The following COL28A1 variants were observed in gnomAD, a reference collection of about 807,000 sequenced individuals.
The protein encoded by COL28A1 is collagen alpha-1(XXVIII) chain.
A neutral mutation model predicts 150.2 loss-of-function variants in COL28A1; 161 were observed. The observed-to-expected ratio is 1.07, with a 90% confidence interval of 0.94 to 1.22. COL28A1 has a LOEUF of 1.22. Ranked by LOEUF, COL28A1 falls within the 50% of genes most tolerant of loss-of-function variation. COL28A1 has a pLI of 0.00. For missense variants in COL28A1, 1,617 were observed against 1,388.3 expected, an observed-to-expected ratio of 1.16 and a Z score of -2.62; for synonymous variants, 552 against 469.7, an observed-to-expected ratio of 1.18 and a Z score of -2.26.
chr7:7,384,254 T>A (rs933702562), intron 27 of COL28A1, among the ~76,000 whole-genome samples: 3 of 152,172 alleles, frequency 2.0e-5, no homozygotes, highest in African/African-American at 7.2e-5. Flanking sequence ...GTATGCAGTG[T>A]TGCACTACAA....
At chr7:7,490,379 T>TG (rs1779849849) in intron 12 of COL28A1, among the ~76,000 whole-genome samples, 199 bp downstream of exon 12, 1 of 152,204 alleles carries the variant, frequency 6.6e-6, no homozygotes, top group African/African-American at 2.4e-5. Context: ...TCCAACAAAA[T>TG]TAAAAAATAC....
chr7:7,440,195 T>C (rs1785659962), intron 21 of COL28A1, among the ~76,000 whole-genome samples: 1 of 152,212 alleles, frequency 6.6e-6, no homozygotes, highest in African/African-American at 2.4e-5. Context: ...ATAGATCCCC[T>C]ACTTCCCATT....
intron 25 of COL28A1, among the ~76,000 whole-genome samples, chr7:7,420,780 C>T (rs1454461680): frequency 6.6e-6 from 1 of 152,162 alleles, no homozygotes; most frequent in East Asian, 1.9e-4. Context: ...ACAGAATAGG[C>T]ACTTGGTATA....
chr7:7,500,909 T>C (rs1295632664), intron 11 of COL28A1, among the ~76,000 whole-genome samples: 1 of 152,166 alleles, frequency 6.6e-6, no homozygotes, highest in African/African-American at 2.4e-5. Context: ...GAACTAAATA[T>C]ATCATGTACT....
downstream of COL28A1, among the ~76,000 whole-genome samples, chr7:7,353,295 C>A (rs549735746): frequency 6.6e-6 from 1 of 152,280 alleles, no homozygotes; most frequent in South Asian, 2.1e-4. Context: ...CCTCCACCTA[C>A]CCAGAGACAT....
In COL28A1 at chr7:7,408,400, C is replaced by G. The variant is rs188772717; in HGVS notation, c.2136+9459G>C. ...TTATAATTAAAACAAAAAGACTTAT[C>G]TGCAACTAGGTAAGGAAAGGTGCTG... is the stretch of plus-strand genomic sequence containing the variant. On this transcript the variant is annotated intron_variant, in intron 27 of 34. Transcript: ENST00000399429. Among the ~76,000 whole-genome samples, 14 of 152,248 alleles carry G rather than the reference C, an allele frequency of 9.2e-5. No individual in the cohort carries two copies. In the East Asian group the frequency reaches 2.7e-3, roughly 29 times the overall value.
At position 7,424,478 on chromosome 7, in the gene COL28A1, T is replaced by C. The variant is rs182145289; in HGVS notation, c.1999-4525A>G. ...ACCTGTGATATTTTCAGATACACAG[T>C]TTATTGTCAGTGGATACAGCAATAT... is the stretch of plus-strand genomic sequence containing the variant. On this transcript the variant is annotated intron_variant, in intron 25 of 34. Transcript: ENST00000399429. 2.5e-3 allele frequency among the ~76,000 whole-genome samples: 388 copies of C among 152,234 alleles called. 1 individual carries two copies. The highest frequency in any genetic ancestry group is 8.9e-3 in the African/African-American group (370 of 41,548).
At chr7:7,471,002 C>A (rs1583449271) in intron 15 of COL28A1, among the ~76,000 whole-genome samples, 1 of 141,508 alleles carries the variant, frequency 7.1e-6, no homozygotes, top group Non-Finnish European at 1.5e-5. Flanking sequence ...GGGAGATATA[C>A]CTAATGCTAG....
intron 16 of COL28A1, among the ~76,000 whole-genome samples, chr7:7,453,966 G>A (rs1447449582): frequency 2.6e-5 from 4 of 152,112 alleles, no homozygotes; most frequent in Non-Finnish European, 5.9e-5. Flanking sequence ...GATTAATAGA[G>A]GCAGTAGTCA....
At chr7:7,539,643 G>C (rs1337660496), upstream of COL28A1, among the ~76,000 whole-genome samples, 1 of 152,136 alleles carries the variant, frequency 6.6e-6, no homozygotes, top group East Asian at 1.9e-4. Flanking sequence ...ATTATCATTG[G>C]TAATAAAATA....
At chr7:7,480,437 G>C (rs1008361188) in intron 13 of COL28A1, among the ~76,000 whole-genome samples, 1 of 152,110 alleles carries the variant, frequency 6.6e-6, no homozygotes, top group African/African-American at 2.4e-5. Context: ...CAATTAGCTA[G>C]TAGGAAAATA....
chr7:7,459,998 C>T (rs910190093), intron 15 of COL28A1, among the ~76,000 whole-genome samples: 75 of 152,358 alleles, frequency 4.9e-4, no homozygotes, highest in African/African-American at 1.7e-3. Flanking sequence ...CTCAGCCTAA[C>T]TCCATTTGTC....
At chr7:7,507,750 A>G (rs982651266) in intron 9 of COL28A1, among the ~76,000 whole-genome samples, 1 of 152,174 alleles carries the variant, frequency 6.6e-6, no homozygotes, top group Non-Finnish European at 1.5e-5. Flanking sequence ...CCTGTTAACA[A>G]TTGACACACT....
At chr7:7,453,213 CAAAG>C (rs1309384453) in intron 17 of COL28A1, among the ~76,000 whole-genome samples, 1 of 152,028 alleles carries the variant, frequency 6.6e-6, no homozygotes, top group Non-Finnish European at 1.5e-5. Flanking sequence ...ATAAAAGTAA[CAAAG>C]AAAACAACAA....
At chr7:7,519,856 T>C (rs1429217014) in intron 6 of COL28A1, among the ~76,000 whole-genome samples, 6 of 152,196 alleles carry the variant, frequency 3.9e-5, no homozygotes, top group Non-Finnish European at 8.8e-5. Context: ...CTGACTAAAA[T>C]GTTCATATAT....
intron 27 of COL28A1, among the ~76,000 whole-genome samples, chr7:7,414,756 A>C (rs972342580): frequency 6.6e-6 from 1 of 152,208 alleles, no homozygotes; most frequent in African/African-American, 2.4e-5. Context: ...AGTCTCTTCC[A>C]AACTGATCAG....
chr7:7,352,780 T>C (rs148704475), downstream of COL28A1, among the ~76,000 whole-genome samples: 491 of 152,272 alleles, frequency 3.2e-3, 2 homozygotes, highest in African/African-American at 0.011. Flanking sequence ...AGCCACCAAA[T>C]CTGTAGTAAT....
chr7:7,394,290 T>C (rs1479656936), intron 27 of COL28A1, among the ~76,000 whole-genome samples: 1 of 152,142 alleles, frequency 6.6e-6, no homozygotes, highest in Non-Finnish European at 1.5e-5. Flanking sequence ...CCCAGTGAGA[T>C]GAGCCAGGTA....
chr7:7,371,501 C>T (rs1399579844), intron 32 of COL28A1, among the ~76,000 whole-genome samples: 2 of 152,188 alleles, frequency 1.3e-5, no homozygotes, highest in Admixed American at 6.5e-5. Flanking sequence ...TGCTGGTACA[C>T]GGCATAGGCA....
Sources: allele counts gnomAD v4.1 joint callset (sites outside exome capture counted in the v4.1 genomes callset), GRCh38; gene constraint gnomAD v4.1.1; transcripts MANE v1.5; gene names NCBI Gene and HGNC (gene_info 2026-07-23, HGNC 2026-07-21).